Variants in SGCZ observed in about 807,000 individuals in gnomAD.
The protein encoded by SGCZ is zeta-sarcoglycan.
A neutral mutation model predicts 41.3 loss-of-function variants in SGCZ; 40 were observed. That is an observed-to-expected ratio of 0.97 (90% CI 0.75 to 1.26). The LOEUF is 1.26. Ranked by LOEUF, SGCZ falls within the 50% of genes most tolerant of loss-of-function variation. SGCZ has a pLI of 0.00. For missense variants in SGCZ, 552 were observed against 369.8 expected, an observed-to-expected ratio of 1.49 and a Z score of -4.04; for synonymous variants, 206 against 137.5, an observed-to-expected ratio of 1.50 and a Z score of -3.49.
At chr8:14,615,452 C>T (rs1177472411) in intron 1 of SGCZ, among the ~76,000 whole-genome samples, 7 of 152,316 alleles carry the variant, frequency 4.6e-5, no homozygotes, top group Non-Finnish European at 1.0e-4. Context: ...CTTCTGAGTA[C>T]TGCCTGATTC....
chr8:14,741,394 A>T (rs1166583976), intron 1 of SGCZ, among the ~76,000 whole-genome samples: 2 of 152,078 alleles, frequency 1.3e-5, no homozygotes, highest in African/African-American at 2.4e-5. Flanking sequence ...CCTCTTACAC[A>T]TATTTTTCCA....
intron 7 of SGCZ, among the ~76,000 whole-genome samples, chr8:14,100,588 T>A (rs1801988276): frequency 3.6e-5 from 5 of 138,560 alleles, no homozygotes; most frequent in Middle Eastern, 4.1e-3. Context: ...TCAAATAATA[T>A]ATTATATTTT....
intron 2 of SGCZ, among the ~76,000 whole-genome samples, chr8:14,536,495 A>C (rs2117138876): frequency 6.6e-6 from 1 of 152,006 alleles, no homozygotes; most frequent in South Asian, 2.1e-4. Flanking sequence ...AAATAAAACC[A>C]TTTCCTTAGC....
At chr8:14,821,345 A>T (rs1666930321) in intron 1 of SGCZ, among the ~76,000 whole-genome samples, 1 of 152,064 alleles carries the variant, frequency 6.6e-6, no homozygotes. Flanking sequence ...TCATCAAAGT[A>T]TAGCCAGGAA....
At chr8:14,956,389 C>T (rs1481173690) in intron 1 of SGCZ, among the ~76,000 whole-genome samples, 2 of 152,016 alleles carry the variant, frequency 1.3e-5, no homozygotes, top group East Asian at 3.8e-4. Context: ...CAGTCTGTTC[C>T]CTTCCCAATA....
At chr8:14,437,120 T>G (rs1011215427) in intron 2 of SGCZ, among the ~76,000 whole-genome samples, 8 of 152,216 alleles carry the variant, frequency 5.3e-5, no homozygotes, top group Non-Finnish European at 1.2e-4. Flanking sequence ...TGTCAACATT[T>G]GGAAATTCTG....
chr8:14,996,753 G>A (rs907174164), intron 1 of SGCZ, among the ~76,000 whole-genome samples: 1 of 152,126 alleles, frequency 6.6e-6, no homozygotes, highest in Non-Finnish European at 1.5e-5. Flanking sequence ...GTTGTCCGTG[G>A]CCACAGCATT....
chr8:14,092,853 C>G (rs116959827), intron 7 of SGCZ, among the ~76,000 whole-genome samples: 1,691 of 152,134 alleles, frequency 0.011, 10 homozygotes, highest in Non-Finnish European at 0.018. Context: ...AATACAGTAG[C>G]TAATCAGCAC....
chr8:14,778,093 ATT>A (rs906511787), intron 1 of SGCZ, among the ~76,000 whole-genome samples: 1 of 151,008 alleles, frequency 6.6e-6, no homozygotes, highest in Non-Finnish European at 1.5e-5. Context: ...CTGGCTAATA[ATT>A]TTTTTTTGTT....
At chr8:15,145,234 G>C (rs781770619) in intron 1 of SGCZ, among the ~76,000 whole-genome samples, 6 of 152,052 alleles carry the variant, frequency 3.9e-5, no homozygotes, top group African/African-American at 1.4e-4. Context: ...ACCTATAGCT[G>C]ATCAACTGTT....
At chr8:15,176,737 C>T (rs369451193) in intron 1 of SGCZ, among the ~76,000 whole-genome samples, 2 of 152,346 alleles carry the variant, frequency 1.3e-5, no homozygotes, top group South Asian at 4.1e-4. Context: ...CACAGTGGCT[C>T]ACGCCTGTAA....
intron 1 of SGCZ, among the ~76,000 whole-genome samples, chr8:15,197,602 T>C (rs1800770895): frequency 6.6e-6 from 1 of 152,092 alleles, no homozygotes; most frequent in African/African-American, 2.4e-5. Flanking sequence ...AAATTCAGCT[T>C]GAAAATCAGA....
At position 14,431,184 on chromosome 8, in the gene SGCZ, A is replaced by C. The variant is rs562932161; in HGVS notation, c.235-106980T>G. ...AACCATTCTTCACATAATGAGGAAA[A>C]ACAATCCTAAAATTCATATGGAATC... On this transcript the variant is annotated intron_variant, in intron 2 of 7. Coordinates refer to ENST00000382080, the MANE Select transcript of SGCZ (RefSeq NM_139167.4). 8.1e-4 allele frequency among the ~76,000 whole-genome samples: 124 copies of C among 152,306 alleles called. 1 individual carries two copies. The highest frequency in any genetic ancestry group is 2.4e-3 in the African/African-American group (99 of 41,574).
At chr8:14,707,123 G>A (rs1240519322) in intron 1 of SGCZ, among the ~76,000 whole-genome samples, 1 of 151,346 alleles carries the variant, frequency 6.6e-6, no homozygotes, top group African/African-American at 2.4e-5. Context: ...CCATGTTGGT[G>A]TGCTGCACTC....
Position 15,060,183 on chromosome 8 carries a change from G to C in SGCZ, c.39+177402C>G, listed in dbSNP as rs561207273. On this transcript the variant is annotated intron_variant, in intron 1 of 7. Coordinates refer to ENST00000382080, the MANE Select transcript of SGCZ (RefSeq NM_139167.4). ...CCCATTACTGGGTATATACCCAAAG[G>C]ATTATAATTCACACTGCTATAAAGA... is the stretch of plus-strand genomic sequence containing the variant. Among the ~76,000 whole-genome samples the C allele has an allele frequency of 2.0e-5, 3 of 152,168 alleles. No individual in the cohort carries two copies. The South Asian group carries it at 6.2e-4, about 32-fold the overall frequency.
intron 1 of SGCZ, among the ~76,000 whole-genome samples, chr8:15,228,956 G>A (rs1801858612): frequency 6.6e-6 from 1 of 152,180 alleles, no homozygotes; most frequent in South Asian, 2.1e-4. Context: ...CACTTTGGGA[G>A]GCCAAGGCGG....
chr8:14,169,797 C>T (rs1319983112), intron 4 of SGCZ, among the ~76,000 whole-genome samples: 5 of 152,068 alleles, frequency 3.3e-5, no homozygotes, highest in African/African-American at 4.8e-5. Flanking sequence ...CTATAGGTAC[C>T]GAGCATGATA....
chr8:15,122,900 C>G (rs1249936534), intron 1 of SGCZ, among the ~76,000 whole-genome samples: 3 of 152,142 alleles, frequency 2.0e-5, no homozygotes, highest in Non-Finnish European at 4.4e-5. Context: ...CTTAATGTTA[C>G]ACCATAGAAA....
chr8:14,363,003 A>C (rs925390464), intron 2 of SGCZ, among the ~76,000 whole-genome samples: 2 of 152,146 alleles, frequency 1.3e-5, no homozygotes, highest in Non-Finnish European at 2.9e-5. Context: ...CAAATTTCTT[A>C]CGTTGCTCAA....
Sources: gnomAD v4.1 joint callset for allele counts (sites outside exome capture counted in the v4.1 genomes callset) on GRCh38, gnomAD v4.1.1 for gene constraint, MANE v1.5 for transcripts, NCBI Gene and HGNC (gene_info 2026-07-23, HGNC 2026-07-21) for gene names.